The following RASA1 variants were observed in gnomAD, a reference collection of about 807,000 sequenced individuals.
RASA1 encodes RAS p21 protein activator 1, also known as ras GTPase-activating protein 1.
A neutral mutation model predicts 132.2 loss-of-function variants in RASA1; 25 were observed. The ratio of observed to expected loss-of-function variants is 0.19; its 90% CI spans 0.14 to 0.26. The LOEUF (loss-of-function observed/expected upper bound fraction) is 0.26. RASA1 is among the 10% of genes least tolerant of loss of function. The pLI is 1.00. For synonymous variants in RASA1, 477 were observed against 449.9 expected, an observed-to-expected ratio of 1.06 and a Z score of -0.76; for missense variants, 964 against 1,299.2, an observed-to-expected ratio of 0.74 and a Z score of 3.97.
At chr5:87,304,124 T>C (rs1386309209) in intron 1 of RASA1, among the ~76,000 whole-genome samples, 1 of 151,958 alleles carries the variant, frequency 6.6e-6, no homozygotes, top group African/African-American at 2.4e-5. Context: ...CATGAGCCAC[T>C]GCGCCCAGCT....
intron 1 of RASA1, among the ~76,000 whole-genome samples, chr5:87,298,723 A>T (rs564349546): frequency 7.9e-5 from 12 of 152,352 alleles, no homozygotes; most frequent in African/African-American, 2.9e-4. Context: ...ATTTGAAAGT[A>T]AATGATGCTT....
At position 87,353,150 on chromosome 5, in the gene RASA1, T is replaced by G; in HGVS notation, c.1254-7T>G. 6.2e-7 allele frequency: 1 copy of G among 1,602,510 alleles called. No individual in the cohort carries two copies. Among genetic ancestry groups the G allele is most frequent in the Non-Finnish European group, 8.5e-7 (1 of 1,170,454 alleles). ...CAGATTAATACTAGAAATTTTTATT[T>G]TAACAGCATTGGGGACATCATAGAT... On this transcript the variant is annotated splice_polypyrimidine_tract_variant and splice_region_variant and intron_variant, in intron 8 of 24. Transcript: ENST00000274376.
At chr5:87,333,244 C>CT (rs564571974) in intron 3 of RASA1, 23 bp from the exon 4 acceptor site, 41,092 of 889,780 alleles carry the variant, frequency 0.046, no homozygotes, top group East Asian at 0.061. Flanking sequence ...CTTTTTAAAT[C>CT]TTTTTTTTTT....
chr5:87,361,012 A>G (rs1347856095), intron 9 of RASA1, among the ~76,000 whole-genome samples: 1 of 152,202 alleles, frequency 6.6e-6, no homozygotes, highest in African/African-American at 2.4e-5. Flanking sequence ...ACTTTGCAAC[A>G]CAGTTACACA....
chr5:87,338,536 A>ATATATATATTTTTTTTT, intron 5 of RASA1, among the ~76,000 whole-genome samples: 16 of 85,216 alleles, frequency 1.9e-4, no homozygotes, highest in Non-Finnish European at 9.3e-5. Flanking sequence ...TATATATAAA[A>ATATATATATTTTTTTTT]TTTTTTTTTT....
chr5:87,322,811 A>G (rs762856197), intron 1 of RASA1, among the ~76,000 whole-genome samples: 8 of 152,248 alleles, frequency 5.3e-5, no homozygotes, highest in Non-Finnish European at 2.9e-5. Context: ...ACACAACCAC[A>G]TACATAAATA....
chr5:87,333,761 T>C (rs1364285202), intron 4 of RASA1, among the ~76,000 whole-genome samples: 2 of 152,194 alleles, frequency 1.3e-5, no homozygotes, highest in East Asian at 1.9e-4. Context: ...TTTATTTCTA[T>C]ATAATTATAT....
At position 87,268,820 on chromosome 5, in the gene RASA1, G is replaced by C. The variant is rs779313090; in HGVS notation, c.369G>C (p.Leu123Phe). ...CTCTCACCAAACTGCCCACTTCGTT[G>C]CTTGCTGAGACTCTCGGGCCAGGCG... ...DMALTKLPTS[L>F]LAETLGPGGG... is the part of the protein sequence containing the mutation. The change falls in exon 1 of 25, where the codon TTG (leucine) becomes TTC (phenylalanine). Residue 123 changes from leucine (L) to phenylalanine (F), a missense_variant. This residue lies in a region of RASA1 where 326 missense variants were observed against 275.8 expected (regional missense o/e 1.18). Coordinates refer to ENST00000274376, the MANE Select transcript of RASA1 (RefSeq NM_002890.3). The C allele has an allele frequency of 7.4e-6, 12 of 1,614,030 alleles. No homozygotes were observed. In the East Asian group the frequency reaches 2.7e-4, roughly 36 times the overall value.
At chr5:87,327,057 C>A (rs950402697) in intron 1 of RASA1, among the ~76,000 whole-genome samples, 7 of 152,018 alleles carry the variant, frequency 4.6e-5, no homozygotes, top group African/African-American at 1.7e-4. Context: ...TCCTCTACTC[C>A]CCTGTGATAC....
rs202147617 is a variant in RASA1, at chr5:87,374,148, T to TATA, written c.1777-15_1777-14insATA. 11 of 495,922 alleles carry TATA rather than the reference T, an allele frequency of 2.2e-5. No homozygotes were observed. Among genetic ancestry groups the TATA allele is most frequent in the African/African-American group, 7.8e-5 (3 of 38,590 alleles). The allele number at this position is 495,922 out of a possible 1,614,324, so 30.7% of individuals were successfully genotyped here. Reference sequence around the variant, plus strand: ...ATCTGGGGTAATATATATATATATATTTTTTTTTTTTTAGGTCAGCAGCCT... The same window carrying TATA: ...ATCTGGGGTAATATATATATATATATATATTTTTTTTTTTTAGGTCAGCAGCCT... On this transcript the variant is annotated splice_polypyrimidine_tract_variant and intron_variant, in intron 13 of 24. Transcript: ENST00000274376.
At chr5:87,286,979 AC>A (rs1486267514) in intron 1 of RASA1, among the ~76,000 whole-genome samples, 4 of 149,228 alleles carry the variant, frequency 2.7e-5, no homozygotes, top group East Asian at 2.0e-4. Context: ...CCATATATAT[AC>A]CATATATACA....
chr5:87,275,285 A>G (rs1440247751), intron 1 of RASA1, among the ~76,000 whole-genome samples: 2 of 152,204 alleles, frequency 1.3e-5, no homozygotes, highest in African/African-American at 4.8e-5. Flanking sequence ...CCAAACAGGA[A>G]CAGTTCTAAT....
intron 12 of RASA1, among the ~76,000 whole-genome samples, chr5:87,370,731 G>A (rs1580372688): frequency 6.6e-6 from 1 of 152,238 alleles, no homozygotes; most frequent in East Asian, 1.9e-4. Context: ...TACAAATACA[G>A]CTAAATTTCT....
chr5:87,385,807 G>A (rs1409192700), intron 22 of RASA1, among the ~76,000 whole-genome samples: 1 of 151,922 alleles, frequency 6.6e-6, no homozygotes, highest in Non-Finnish European at 1.5e-5. Flanking sequence ...ATCATATCAT[G>A]CCTCCTGCTT....
chr5:87,384,543 AGTG>A (rs1761938404), intron 21 of RASA1, among the ~76,000 whole-genome samples: 1 of 152,116 alleles, frequency 6.6e-6, no homozygotes, highest in African/African-American at 2.4e-5. Flanking sequence ...TTGCTACTAA[AGTG>A]GTTAAATCTA....
At chr5:87,309,987 T>C (rs1337579741) in intron 1 of RASA1, among the ~76,000 whole-genome samples, 1 of 152,118 alleles carries the variant, frequency 6.6e-6, no homozygotes, top group East Asian at 1.9e-4. Flanking sequence ...AGTTGAAAGC[T>C]CTTCTACTTG....
chr5:87,304,470 CTTT>C (rs376100899), intron 1 of RASA1, among the ~76,000 whole-genome samples: 5 of 143,694 alleles, frequency 3.5e-5, no homozygotes, highest in Non-Finnish European at 3.1e-5. Flanking sequence ...TTATTATACA[CTTT>C]TTTTTTTTTT....
intron 5 of RASA1, among the ~76,000 whole-genome samples, chr5:87,339,675 A>G (rs13171860): frequency 1.7e-3 from 259 of 152,308 alleles, no homozygotes; most frequent in Middle Eastern, 6.8e-3. Flanking sequence ...ATGACCTCAC[A>G]TCAGTACAAG....
rs1012355899 is a variant in RASA1 at position 87,293,507 on chromosome 5, G to A, written c.539+24517G>A. On this transcript the variant is annotated intron_variant, in intron 1 of 24. Transcript: ENST00000274376. ...TGCTAATATTTTGTTGAGGATGTTCGCATCTATGTTCATAAGAGATTGGTC... is the reference window on the plus strand; with the variant it reads ...TGCTAATATTTTGTTGAGGATGTTCACATCTATGTTCATAAGAGATTGGTC... Among the ~76,000 whole-genome samples the A allele has an allele frequency of 5.3e-5, 8 of 152,046 alleles. 1 individual carries two copies. Among genetic ancestry groups the A allele is most frequent in the East Asian group, 3.9e-4 (2 of 5,192 alleles).
Sources: gnomAD v4.1 joint callset for allele counts (sites outside exome capture counted in the v4.1 genomes callset) on GRCh38, gnomAD v4.1.1 for gene constraint, gnomAD v4.1.1 regional missense constraint, MANE v1.5 for transcripts, NCBI Gene and HGNC (gene_info 2026-07-23, HGNC 2026-07-21) for gene names.